PLAG1: variants seen among roughly 807,000 people sequenced by gnomAD.
PLAG1 encodes the protein PLAG1 zinc finger.
PLAG1 carries 7 observed loss-of-function variants against 35.5 expected under a neutral mutation model. That is an observed-to-expected ratio of 0.20 (90% CI 0.11 to 0.37). The LOEUF is 0.37. PLAG1 is among the 10% of genes least tolerant of loss of function. The probability of loss-of-function intolerance (pLI) is 1.00; values close to 1 mark genes in which losing one functional copy is unlikely to be tolerated. For missense variants in PLAG1, 454 were observed against 602.8 expected (o/e 0.75, Z 2.58); for synonymous variants, 229 against 225.4 (o/e 1.02, Z -0.14).
At chr8:56,194,836 G>C (rs1035537333) in intron 1 of PLAG1, among the ~76,000 whole-genome samples, 6 of 152,146 alleles carry the variant, frequency 3.9e-5, no homozygotes, top group Admixed American at 1.3e-4. Context: ...TTTTGGTCTG[G>C]AGAATCTTGA....
At chr8:56,210,652 C>T (rs1812858885) in intron 1 of PLAG1, among the ~76,000 whole-genome samples, 1 of 152,068 alleles carries the variant, frequency 6.6e-6, no homozygotes, top group South Asian at 2.1e-4. Flanking sequence ...GTGGAAAATG[C>T]GGAGAGTTTA....
In PLAG1 at chr8:56,166,784, A is replaced by C; in HGVS notation, c.962T>G (p.Met321Arg). 6.2e-7 allele frequency: 1 copy of C among 1,614,062 alleles called. No individual in the cohort carries two copies. Among genetic ancestry groups the C allele is most frequent in the Non-Finnish European group, 8.5e-7 (1 of 1,179,970 alleles). Residue 321 changes from methionine (M) to arginine (R), a missense_variant, in exon 5 of 5, where the codon ATG becomes AGG. Physicochemically the swap from Met to Arg is moderately conservative, Grantham distance 91. This residue lies in a region of PLAG1 where 271 missense variants were observed against 315.6 expected (regional missense o/e 0.86). Coordinates refer to ENST00000316981, the MANE Select transcript of PLAG1 (RefSeq NM_002655.3). ...GTGGTGAGAGGGATGAACAGTGTCC[A>C]TATCTATTGGGCATGTCATTCCCAA... Reference protein sequence around the residue: ...LPLGMTCPIDMDTVHPSHHLS... With the variant: ...LPLGMTCPIDRDTVHPSHHLS...
chr8:56,203,789 T>C (rs1306476328), intron 1 of PLAG1, among the ~76,000 whole-genome samples: 1 of 151,986 alleles, frequency 6.6e-6, no homozygotes, highest in South Asian at 2.1e-4. Context: ...AATTGAATAG[T>C]AAACATCAAG....
At chr8:56,195,504 C>A (rs1164435392) in intron 1 of PLAG1, among the ~76,000 whole-genome samples, 1 of 152,216 alleles carries the variant, frequency 6.6e-6, no homozygotes, top group Non-Finnish European at 1.5e-5. Flanking sequence ...AGCTAACCAG[C>A]CTTCTTGGGC....
chr8:56,188,955 A>G (rs751637481), intron 1 of PLAG1, among the ~76,000 whole-genome samples: 5 of 152,250 alleles, frequency 3.3e-5, no homozygotes, highest in Non-Finnish European at 7.3e-5. Context: ...AACAAAAAAC[A>G]GCAAGGAAAC....
chr8:56,163,201 T>G lies in PLAG1; in HGVS notation c.*3042A>C, dbSNP rs1382118997. ...CAAATTCTAAACTACTTTTATTTAATGTTAATCCCTTTTTTTTTTTTTTTT... is the reference window on the plus strand; with the variant it reads ...CAAATTCTAAACTACTTTTATTTAAGGTTAATCCCTTTTTTTTTTTTTTTT... On this transcript the variant is annotated 3_prime_UTR_variant, in exon 5 of 5. Transcript: ENST00000316981. The G allele has an allele frequency of 2.1e-5, 4 of 193,490 alleles. No individual in the cohort carries two copies. The highest frequency in any genetic ancestry group is 4.3e-5 in the Non-Finnish European group (4 of 93,704). 12.0% of individuals were successfully genotyped at this position (193,490 alleles called of 1,614,324 possible).
At position 56,166,591 on chromosome 8, in the gene PLAG1, A is replaced by C; in HGVS notation, c.1155T>G (p.Asp385Glu). 2 of 1,613,996 alleles carry C rather than the reference A, an allele frequency of 1.2e-6. No individual in the cohort carries two copies. ...CATCATCTAGGGACCCAATCTGAGG[A>C]TCCAACCCTAGCTTAGATGATGACG... ...QASSSSKLGL[D>E]PQIGSLDDGA... The change falls in exon 5 of 5, where the codon GAT becomes GAG. Residue 385 changes from aspartate (D) to glutamate (E), a missense_variant. Coordinates refer to ENST00000316981, the MANE Select transcript of PLAG1 (RefSeq NM_002655.3).
rs1554532015 is a variant in PLAG1, at chr8:56,164,320, A to ATC, written c.*1922_*1923insGA. The ATC allele has an allele frequency of 4.7e-6, 1 of 210,924 alleles. No homozygotes were observed. Among genetic ancestry groups the ATC allele is most frequent in the African/African-American group, 2.3e-5 (1 of 43,864 alleles). 13.1% of individuals were successfully genotyped at this position (210,924 alleles called of 1,614,324 possible). A position where few individuals can be genotyped will look rare whatever the true frequency, so the allele number is the denominator to read the frequency against. On this transcript the variant is annotated 3_prime_UTR_variant, in exon 5 of 5. Coordinates refer to ENST00000316981, the MANE Select transcript of PLAG1 (RefSeq NM_002655.3). ...ATTCTATGAAGTGCGGTATGTGTGC[A>ATC]TGTGTGTGTGTGTGTGTATTATATA...
intron 1 of PLAG1, among the ~76,000 whole-genome samples, chr8:56,190,504 T>G (rs1332106100): frequency 2.0e-5 from 3 of 152,066 alleles, no homozygotes; most frequent in African/African-American, 7.2e-5. Flanking sequence ...AGAACTATTA[T>G]ACTTTGGGGA....
At chr8:56,168,819 C>T (rs985549911) in intron 3 of PLAG1, among the ~76,000 whole-genome samples, 22 of 152,166 alleles carry the variant, frequency 1.4e-4, no homozygotes, top group African/African-American at 4.8e-4. Context: ...TCTAGTCAGA[C>T]TGCACTATAG....
intron 1 of PLAG1, among the ~76,000 whole-genome samples, chr8:56,191,308 G>A (rs1224101905): frequency 6.6e-6 from 1 of 152,190 alleles, no homozygotes; most frequent in Non-Finnish European, 1.5e-5. Flanking sequence ...ACCTGAGCTA[G>A]AGAGAAGGAG....
At chr8:56,190,117 G>A (rs1812139664) in intron 1 of PLAG1, among the ~76,000 whole-genome samples, 1 of 152,240 alleles carries the variant, frequency 6.6e-6, no homozygotes, top group African/African-American at 2.4e-5. Context: ...CAGCTATGAA[G>A]TGAGATAATG....
intron 1 of PLAG1, among the ~76,000 whole-genome samples, chr8:56,204,986 C>T (rs1244223997): frequency 2.6e-5 from 4 of 151,838 alleles, no homozygotes; most frequent in African/African-American, 9.7e-5. Flanking sequence ...AAAGCACTTG[C>T]TAATTAATAA....
intron 3 of PLAG1, 25 bp downstream of exon 3, chr8:56,171,066 T>A: frequency 3.6e-6 from 2 of 551,932 alleles, no homozygotes; most frequent in Non-Finnish European, 4.6e-6. Flanking sequence ...CATAGAATTA[T>A]AGTGATTTTT....
rs1811222170 is a variant in PLAG1 at position 56,162,212 on chromosome 8, C to T, written c.*4031G>A. On this transcript the variant is annotated 3_prime_UTR_variant, in exon 5 of 5. Coordinates refer to ENST00000316981, the MANE Select transcript of PLAG1 (RefSeq NM_002655.3). ...TTAGGCACACATTTACCAGAACTAA[C>T]AGCCAGCCATTGCTAATGACGAATA... The T allele has an allele frequency of 4.4e-6, 1 of 228,968 alleles. No individual in the cohort carries two copies. Among genetic ancestry groups the T allele is most frequent in the African/African-American group, 2.2e-5 (1 of 45,116 alleles). The allele number at this position is 228,968 out of a possible 1,614,324, so 14.2% of individuals were successfully genotyped here.
At chr8:56,178,163 T>TA (rs1176987529) in intron 2 of PLAG1, 1 of 176,248 alleles carries the variant, frequency 5.7e-6, no homozygotes, top group East Asian at 1.9e-4. Context: ...TCAAAATCTT[T>TA]AAAAGAGGGT....
rs977795980 is a variant in PLAG1 at position 56,161,885 on chromosome 8, T to C, written c.*4358A>G. 1 of 228,212 alleles carries C rather than the reference T, an allele frequency of 4.4e-6. No homozygotes were observed. Among genetic ancestry groups the C allele is most frequent in the Non-Finnish European group, 8.7e-6 (1 of 114,574 alleles). 14.1% of individuals were successfully genotyped at this position (228,212 alleles called of 1,614,324 possible). A position where few individuals can be genotyped will look rare whatever the true frequency, so the allele number is the denominator to read the frequency against. On this transcript the variant is annotated 3_prime_UTR_variant, in exon 5 of 5. Transcript: ENST00000316981. Reference sequence around the variant, plus strand: ...TTCATCTGTACCACTGAAGCTTATATAATGAAGTGTTTTATACATTAGCAA... The same window carrying C: ...TTCATCTGTACCACTGAAGCTTATACAATGAAGTGTTTTATACATTAGCAA...
Position 56,166,598 on chromosome 8 carries a change from C to T in PLAG1, c.1148G>A (p.Gly383Glu), listed in dbSNP as rs1353212726. Reference sequence around the variant, plus strand: ...TAGGGACCCAATCTGAGGATCCAACCCTAGCTTAGATGATGACGATGCTTG... The same window carrying T: ...TAGGGACCCAATCTGAGGATCCAACTCTAGCTTAGATGATGACGATGCTTG... ...DSQASSSSKL[G>E]LDPQIGSLDD... The change falls in exon 5 of 5, where the codon GGG becomes GAG. Residue 383 changes from glycine to glutamate, a missense_variant. Gly to Glu is a moderately conservative substitution (Grantham distance 98, BLOSUM62 -2). Coordinates refer to ENST00000316981, the MANE Select transcript of PLAG1 (RefSeq NM_002655.3). 1.9e-6 allele frequency: 3 copies of T among 1,613,966 alleles called. No homozygotes were observed. Among genetic ancestry groups the T allele is most frequent in the South Asian group, 2.2e-5 (2 of 91,048 alleles).
chr8:56,167,215 A>T lies in PLAG1; in HGVS notation c.531T>A (p.Ser177=). 6.2e-7 allele frequency: 1 copy of T among 1,614,090 alleles called. No homozygotes were observed. The highest frequency in any genetic ancestry group is 1.1e-5 in the South Asian group (1 of 91,084). The change falls in exon 5 of 5, where the codon TCT becomes TCA. Residue 177 remains serine, a synonymous_variant. Transcript: ENST00000316981. This position sits in a 1 kb window ranked among gnomAD's most constrained non-coding sequence, Gnocchi z 5.9. Reference sequence around the variant, plus strand: ...GGTGCTTTTTTTCTTTAACCCCACCAGACGACTTGCCTGCATGAGATTTAA... The same window carrying T: ...GGTGCTTTTTTTCTTTAACCCCACCTGACGACTTGCCTGCATGAGATTTAA... The part of the protein sequence containing the change: ...EHLKSHAGKS[S]GGVKEKKHQC...
Sources: allele counts gnomAD v4.1 joint callset (sites outside exome capture counted in the v4.1 genomes callset), GRCh38; gene constraint gnomAD v4.1.1; regional missense constraint gnomAD v4.1.1; non-coding constraint Gnocchi (gnomAD v3.1); transcripts MANE v1.5; gene names NCBI Gene and HGNC (gene_info 2026-07-23, HGNC 2026-07-21).